Variants in WDR41 observed in about 807,000 individuals in gnomAD.
The protein encoded by WDR41 is WD repeat-containing protein 41.
In WDR41, 63 loss-of-function variants were observed where a neutral mutation model predicts 69.3. The observed-to-expected ratio is 0.91, with a 90% confidence interval of 0.74 to 1.12. WDR41 has a LOEUF of 1.12. Among genes scored for constraint, WDR41 ranks in the 50% most tolerant of loss-of-function variants. The probability of loss-of-function intolerance (pLI) is 0.00; values close to 1 mark genes in which losing one functional copy is unlikely to be tolerated. For missense variants in WDR41, 543 were observed against 534.5 expected (o/e 1.02, Z -0.16); for synonymous variants, 185 against 192.1 (o/e 0.96, Z 0.31).
intron 1 of WDR41, among the ~76,000 whole-genome samples, chr5:77,503,530 T>C (rs763858284): frequency 1.3e-5 from 2 of 152,336 alleles, no homozygotes; most frequent in East Asian, 3.9e-4. Flanking sequence ...GCAGACCTAA[T>C]AGACATCTAC....
chr5:77,507,343 A>T (rs896436994), intron 1 of WDR41, among the ~76,000 whole-genome samples: 3 of 152,242 alleles, frequency 2.0e-5, no homozygotes, highest in African/African-American at 7.2e-5. Context: ...TCCAGCACCA[A>T]TAGTGCTTCT....
intron 1 of WDR41, among the ~76,000 whole-genome samples, chr5:77,583,852 A>C (rs1475679139): frequency 2.0e-5 from 3 of 152,172 alleles, no homozygotes; most frequent in Non-Finnish European, 4.4e-5. Context: ...TGGATGCAAA[A>C]ATTCTCAACA....
In WDR41 at chr5:77,513,754, C is replaced by T. The variant is rs115592819; in HGVS notation, c.43-24182G>A. On this transcript the variant is annotated intron_variant, in intron 1 of 5. Coordinates refer to the WDR41 transcript ENST00000509971. Reference sequence around the variant, plus strand: ...TAGTATTTGCCAGCTTTTAAGCCTGCTTTTTAAATGTTCATGAGCCCAACT... The same window carrying T: ...TAGTATTTGCCAGCTTTTAAGCCTGTTTTTTAAATGTTCATGAGCCCAACT... Among the ~76,000 whole-genome samples the T allele has an allele frequency of 6.8e-3, 1,039 of 152,200 alleles. 11 individuals are homozygous for T. The highest frequency in any genetic ancestry group is 0.024 in the African/African-American group (995 of 41,540).
At chr5:77,450,099 T>C (rs1016956178) in intron 7 of WDR41, among the ~76,000 whole-genome samples, 6 of 152,212 alleles carry the variant, frequency 3.9e-5, no homozygotes, top group Non-Finnish European at 8.8e-5. Flanking sequence ...AAGAACTCTC[T>C]TCCTTTACTG....
chr5:77,510,818 C>G (rs1441073166), intron 1 of WDR41, among the ~76,000 whole-genome samples: 3 of 132,700 alleles, frequency 2.3e-5, no homozygotes, highest in African/African-American at 8.8e-5. Flanking sequence ...ATCTCCCAGG[C>G]TGGAGTGCAG....
chr5:77,497,929 T>A (rs1219296145), intron 1 of WDR41, among the ~76,000 whole-genome samples: 1 of 152,238 alleles, frequency 6.6e-6, no homozygotes, highest in African/African-American at 2.4e-5. Context: ...AATTAATTTT[T>A]AAATATATTC....
intron 1 of WDR41, among the ~76,000 whole-genome samples, chr5:77,603,888 A>C (rs925639344): frequency 6.6e-6 from 1 of 152,132 alleles, no homozygotes; most frequent in Non-Finnish European, 1.5e-5. Flanking sequence ...GGTTATAAAT[A>C]TGTGGATTTA....
intron 8 of WDR41, among the ~76,000 whole-genome samples, chr5:77,448,730 TG>T (rs1341471588): frequency 6.6e-6 from 1 of 151,950 alleles, no homozygotes; most frequent in African/African-American, 2.4e-5. Flanking sequence ...TAGCTGGGCA[TG>T]GTGATATGCG....
chr5:77,522,812 A>T (rs1802389790), intron 1 of WDR41, among the ~76,000 whole-genome samples: 1 of 152,120 alleles, frequency 6.6e-6, no homozygotes, highest in African/African-American at 2.4e-5. Context: ...CAAGGACCAA[A>T]TGTTTTGACC....
In WDR41 at chr5:77,585,817, T is replaced by C. The variant is rs1744027580; in HGVS notation, c.42+34662A>G. Among the ~76,000 whole-genome samples, 3 of 152,028 alleles carry C rather than the reference T, an allele frequency of 2.0e-5. No homozygotes were observed. In the South Asian group the frequency reaches 6.2e-4, roughly 32 times the overall value. On this transcript the variant is annotated intron_variant, in intron 1 of 5. Coordinates refer to the WDR41 transcript ENST00000509971. Reference sequence around the variant, plus strand: ...GAATGATACCATGGACTTTGGGGACTTGGGGGGAAGAAAGGGAGGAGGGCG... The same window carrying C: ...GAATGATACCATGGACTTTGGGGACCTGGGGGGAAGAAAGGGAGGAGGGCG...
At chr5:77,590,386 A>G (rs924404216) in intron 1 of WDR41, among the ~76,000 whole-genome samples, 1 of 152,200 alleles carries the variant, frequency 6.6e-6, no homozygotes, top group Non-Finnish European at 1.5e-5. Flanking sequence ...CGGAGTTATT[A>G]AGACATACAA....
chr5:77,597,724 T>A (rs971158043), intron 1 of WDR41, among the ~76,000 whole-genome samples: 2 of 152,210 alleles, frequency 1.3e-5, no homozygotes, highest in African/African-American at 4.8e-5. Context: ...TAAACAAATA[T>A]CTATTGAATG....
At chr5:77,474,689 C>T (rs1320941662) in intron 2 of WDR41, among the ~76,000 whole-genome samples, 2 of 151,988 alleles carry the variant, frequency 1.3e-5, no homozygotes, top group Non-Finnish European at 2.9e-5. Context: ...TTTTTTAGCT[C>T]ACAAACAAAG....
intron 5 of WDR41, among the ~76,000 whole-genome samples, chr5:77,456,667 G>A (rs1262395356): frequency 6.6e-6 from 1 of 152,070 alleles, no homozygotes; most frequent in Non-Finnish European, 1.5e-5. Context: ...ATCTTTGGGG[G>A]AAATTATTTG....
intron 9 of WDR41, 35 bp from the exon 10 acceptor site, chr5:77,438,396 A>T (rs1799031284): frequency 6.2e-7 from 1 of 1,611,300 alleles, no homozygotes; most frequent in African/African-American, 1.3e-5. Context: ...GCATAAAACT[A>T]GCACTCACCC....
At chr5:77,521,520 T>C (rs144001382) in intron 1 of WDR41, among the ~76,000 whole-genome samples, 1,799 of 152,368 alleles carry the variant, frequency 0.012, 40 homozygotes, top group Middle Eastern at 0.075. Flanking sequence ...GAAAATATTA[T>C]ACCAAAACTC....
chr5:77,514,434 C>T (rs1424145164), intron 1 of WDR41, among the ~76,000 whole-genome samples: 1 of 152,084 alleles, frequency 6.6e-6, no homozygotes, highest in Non-Finnish European at 1.5e-5. Flanking sequence ...TTGTTATTTG[C>T]TTTTACAGAA....
intron 1 of WDR41, among the ~76,000 whole-genome samples, chr5:77,529,681 A>G (rs746078940): frequency 2.0e-5 from 3 of 151,554 alleles, no homozygotes; most frequent in Non-Finnish European, 4.4e-5. Context: ...CAACAGATCA[A>G]TGAGAGAAAA....
chr5:77,481,699 C>T (rs535042970), intron 2 of WDR41, among the ~76,000 whole-genome samples: 60 of 147,252 alleles, frequency 4.1e-4, no homozygotes, highest in African/African-American at 1.5e-3. Context: ...GCAGAAGAAT[C>T]GCTTGAACCT....
Sources: allele counts gnomAD v4.1 joint callset (sites outside exome capture counted in the v4.1 genomes callset), GRCh38; gene constraint gnomAD v4.1.1; transcripts MANE v1.5; gene names NCBI Gene and HGNC (gene_info 2026-07-23, HGNC 2026-07-21).